Variants in RELN observed in about 807,000 individuals in gnomAD.
RELN encodes the protein reelin.
A neutral mutation model predicts 427.6 loss-of-function variants in RELN; 108 were observed. The observed-to-expected ratio is 0.25, with a 90% confidence interval of 0.22 to 0.30. RELN has a LOEUF of 0.30. RELN is among the 10% of genes least tolerant of loss of function. RELN has a pLI of 1.00. For synonymous variants in RELN, 1,524 were observed against 1,513.4 expected (o/e 1.01, Z -0.16); for missense variants, 3,715 against 4,302.8 (o/e 0.86, Z 3.82).
chr7:103,618,987 G>C (rs1020947912), intron 20 of RELN, among the ~76,000 whole-genome samples: 2 of 151,926 alleles, frequency 1.3e-5, no homozygotes, highest in African/African-American at 4.8e-5. Flanking sequence ...GCATGGTGGC[G>C]GGCACCTGTA....
intron 2 of RELN, among the ~76,000 whole-genome samples, chr7:103,867,194 T>G (rs895040222): frequency 1.3e-5 from 2 of 151,994 alleles, no homozygotes; most frequent in African/African-American, 4.8e-5. Flanking sequence ...TGGATCTTGT[T>G]ACAAAGTAAA....
intron 2 of RELN, among the ~76,000 whole-genome samples, chr7:103,888,990 A>T (rs565934496): frequency 6.6e-6 from 1 of 152,274 alleles, no homozygotes; most frequent in South Asian, 2.1e-4. Context: ...ACCCCAACTC[A>T]TGACCTCAAC....
At chr7:103,544,181 A>G (rs1830232438) in intron 42 of RELN, among the ~76,000 whole-genome samples, 1 of 150,972 alleles carries the variant, frequency 6.6e-6, no homozygotes, top group African/African-American at 2.4e-5. Context: ...AACCATAAAT[A>G]GAACAAGTTT....
intron 1 of RELN, among the ~76,000 whole-genome samples, chr7:103,931,504 C>T (rs1402732937): frequency 1.3e-5 from 2 of 152,178 alleles, no homozygotes; most frequent in Non-Finnish European, 2.9e-5. Flanking sequence ...ATGGCAATGT[C>T]TGATCCCTCA....
chr7:103,928,524 A>C (rs1196561136), intron 1 of RELN, among the ~76,000 whole-genome samples: 1 of 152,234 alleles, frequency 6.6e-6, no homozygotes, highest in East Asian at 1.9e-4. Flanking sequence ...TGATAGAAAA[A>C]GCTGCAAATC....
At chr7:103,592,197 C>T (rs10281771) in intron 27 of RELN, among the ~76,000 whole-genome samples, 1,716 of 151,738 alleles carry the variant, frequency 0.011, 44 homozygotes, top group African/African-American at 0.04. Context: ...TCCTACCTTT[C>T]ATCCTTAAGT....
At chr7:103,833,259 C>T (rs1236358686) in intron 3 of RELN, among the ~76,000 whole-genome samples, 1 of 152,136 alleles carries the variant, frequency 6.6e-6, no homozygotes, top group Non-Finnish European at 1.5e-5. Context: ...CGTCCCCTAC[C>T]CTCCTGTCCC....
intron 6 of RELN, among the ~76,000 whole-genome samples, chr7:103,741,889 G>T (rs1180315114): frequency 6.6e-6 from 1 of 152,168 alleles, no homozygotes; most frequent in Non-Finnish European, 1.5e-5. Context: ...GGTGATTTCT[G>T]CATTTCCAAG....
chr7:103,670,367 C>T (rs930401464), intron 11 of RELN, among the ~76,000 whole-genome samples: 8 of 152,150 alleles, frequency 5.3e-5, no homozygotes, highest in East Asian at 1.9e-4. Context: ...CACACAAGAA[C>T]GTTTACTACA....
At chr7:103,977,310 C>CAAAAAAAAAAA (rs201026012) in intron 1 of RELN, among the ~76,000 whole-genome samples, 14 of 88,260 alleles carry the variant, frequency 1.6e-4, no homozygotes, top group African/African-American at 7.3e-4. Flanking sequence ...GACTCTGTCT[C>CAAAAAAAAAAA]AAAAAAAAAA....
chr7:103,557,851 T>C (rs1830558814), intron 37 of RELN, 114 bp downstream of exon 37: 1 of 670,170 alleles, frequency 1.5e-6, no homozygotes, highest in South Asian at 1.6e-5. Flanking sequence ...TACTAATTTA[T>C]GTTAGCCCTT....
chr7:103,894,555 T>C (rs62482327), intron 2 of RELN, among the ~76,000 whole-genome samples: 19,074 of 152,130 alleles, frequency 0.13, 1,533 homozygotes, highest in East Asian at 0.36. Context: ...TGTTTTCAAA[T>C]ACGTTCGAAG....
intron 60 of RELN, 91 bp from the exon 61 acceptor site, chr7:103,486,507 T>C (rs1828445532): frequency 9.9e-6 from 10 of 1,008,842 alleles, no homozygotes; most frequent in South Asian, 5.4e-5. Flanking sequence ...GTTTAAGTAG[T>C]TGTTACTGTA....
At chr7:103,930,928 TA>T (rs1353790522) in intron 1 of RELN, among the ~76,000 whole-genome samples, 1 of 151,382 alleles carries the variant, frequency 6.6e-6, no homozygotes, top group Non-Finnish European at 1.5e-5. Context: ...CTGTTCTTTT[TA>T]AATGACTTTT....
At chr7:103,842,147 T>A (rs1400948279) in intron 2 of RELN, among the ~76,000 whole-genome samples, 2 of 152,134 alleles carry the variant, frequency 1.3e-5, no homozygotes, top group Non-Finnish European at 2.9e-5. Context: ...TATGTCTACA[T>A]AAGAAGTGTA....
chr7:103,715,927 C>A (rs1204240372), intron 8 of RELN, among the ~76,000 whole-genome samples: 2 of 152,226 alleles, frequency 1.3e-5, no homozygotes, highest in African/African-American at 2.4e-5. Context: ...GTAAACTACA[C>A]CCGAATGCTC....
chr7:103,553,340 T>A, intron 40 of RELN, 121 bp downstream of exon 40: 1 of 745,400 alleles, frequency 1.3e-6, no homozygotes, highest in East Asian at 2.7e-5. Context: ...CAAAATCTCT[T>A]ACATCCTTGC....
intron 3 of RELN, among the ~76,000 whole-genome samples, chr7:103,813,868 T>C (rs907485835): frequency 4.6e-5 from 7 of 152,052 alleles, no homozygotes; most frequent in African/African-American, 1.7e-4. Context: ...TTCTTTTATT[T>C]AAAGTTTTTC....
At chr7:103,866,700 T>C (rs1794206533) in intron 2 of RELN, among the ~76,000 whole-genome samples, 1 of 152,122 alleles carries the variant, frequency 6.6e-6, no homozygotes, top group Non-Finnish European at 1.5e-5. Flanking sequence ...TTTTACAAAA[T>C]AATGCACTAA....
Sources: allele counts gnomAD v4.1 joint callset (sites outside exome capture counted in the v4.1 genomes callset), GRCh38; gene constraint gnomAD v4.1.1; transcripts MANE v1.5; gene names NCBI Gene and HGNC (gene_info 2026-07-23, HGNC 2026-07-21).